Variants in RFX3 observed in about 807,000 individuals in gnomAD.
The protein encoded by RFX3 is regulatory factor X3, also known as transcription factor RFX3.
A neutral mutation model predicts 98.6 loss-of-function variants in RFX3; 14 were observed. The observed-to-expected ratio is 0.14, with a 90% CI of 0.09 to 0.22. The LOEUF (loss-of-function observed/expected upper bound fraction) is 0.22, where lower values mean the gene tolerates loss of function less well. RFX3 is among the 10% of genes least tolerant of loss of function. The pLI is 1.00. For missense variants in RFX3, 639 were observed against 926.9 expected, an observed-to-expected ratio of 0.69 and a Z score of 4.03; for synonymous variants, 383 against 328.4, an observed-to-expected ratio of 1.17 and a Z score of -1.80.
At chr9:3,401,881 G>A (rs563988361) in intron 1 of RFX3, among the ~76,000 whole-genome samples, 2 of 152,168 alleles carry the variant, frequency 1.3e-5, no homozygotes, top group South Asian at 4.1e-4. Flanking sequence ...CTACGAGAAG[G>A]AAAAGATATT....
chr9:3,415,188 TACTC>T (rs1404657485), intron 1 of RFX3, among the ~76,000 whole-genome samples: 7 of 136,800 alleles, frequency 5.1e-5, no homozygotes, highest in Non-Finnish European at 1.1e-4. Context: ...TATATACACA[TACTC>T]ATATATATAT....
chr9:3,417,479 T>C (rs1843081687), intron 1 of RFX3, among the ~76,000 whole-genome samples: 1 of 152,218 alleles, frequency 6.6e-6, no homozygotes, highest in South Asian at 2.1e-4. Context: ...AAGTAATTTG[T>C]ATGATCACAA....
intron 15 of RFX3, among the ~76,000 whole-genome samples, chr9:3,242,521 C>T (rs1388965885): frequency 2.0e-5 from 3 of 152,048 alleles, no homozygotes; most frequent in Admixed American, 6.6e-5. Flanking sequence ...CCTAGTCACA[C>T]TAGCACAATG....
chr9:3,394,489 C>T (rs1028071433), intron 2 of RFX3, among the ~76,000 whole-genome samples: 12 of 152,088 alleles, frequency 7.9e-5, no homozygotes, highest in South Asian at 2.1e-4. Flanking sequence ...AAACACAAGA[C>T]GATTATCTCA....
At chr9:3,481,322 T>C (rs1408670817) in intron 1 of RFX3, among the ~76,000 whole-genome samples, 1 of 152,160 alleles carries the variant, frequency 6.6e-6, no homozygotes, top group African/African-American at 2.4e-5. Context: ...GCTATCTGGC[T>C]TTAATGCAAC....
At chr9:3,472,967 T>C (rs1848910221) in intron 1 of RFX3, among the ~76,000 whole-genome samples, 2 of 152,204 alleles carry the variant, frequency 1.3e-5, no homozygotes, top group South Asian at 2.1e-4. Flanking sequence ...CCCTTTCCTT[T>C]TGTGAGATTA....
chr9:3,350,533 A>G (rs1329774967), intron 2 of RFX3, among the ~76,000 whole-genome samples: 1 of 152,138 alleles, frequency 6.6e-6, no homozygotes, highest in Non-Finnish European at 1.5e-5. Context: ...AACATAATCT[A>G]GTCATATGAT....
intron 7 of RFX3, among the ~76,000 whole-genome samples, chr9:3,282,348 T>A (rs1826017455): frequency 1.3e-5 from 2 of 151,840 alleles, no homozygotes; most frequent in Non-Finnish European, 2.9e-5. Flanking sequence ...AGGTATTCCA[T>A]CTCTTCCATT....
chr9:3,313,622 T>A (rs1486297589), intron 4 of RFX3, among the ~76,000 whole-genome samples: 1 of 151,970 alleles, frequency 6.6e-6, no homozygotes, highest in Non-Finnish European at 1.5e-5. Context: ...CTAAAAACCT[T>A]GAAAAAAGAT....
rs36070658 is a variant in RFX3 at position 3,232,771 on chromosome 9, T to TGAGAGAGAGA, written c.1969-3892_1969-3883dup. Among the ~76,000 whole-genome samples the TGAGAGAGAGA allele has an allele frequency of 7.4e-3, 984 of 132,382 alleles. 12 individuals are homozygous for TGAGAGAGAGA. The highest frequency in any genetic ancestry group is 0.027 in the African/African-American group (929 of 34,356). The allele number at this position is 132,382 out of a possible 152,430, so 86.8% of individuals were successfully genotyped here. A position where few individuals can be genotyped will look rare whatever the true frequency, so the allele number is the denominator to read the frequency against. On this transcript the variant is annotated intron_variant, in intron 15 of 16. Coordinates refer to ENST00000617270, the MANE Select transcript of RFX3 (RefSeq NM_001282116.2). ...CAGATATTCTCCTTGGTTTAGAATC[T>TGAGAGAGAGA]GAGAGAGAGAGAGAGAGAGAGAGAG...
chr9:3,351,841 A>G (rs895830428), intron 2 of RFX3, among the ~76,000 whole-genome samples: 2 of 152,014 alleles, frequency 1.3e-5, no homozygotes, highest in African/African-American at 4.8e-5. Flanking sequence ...ATGCTTACAT[A>G]TAGTTAGTAG....
At chr9:3,291,361 G>C (rs182576259) in intron 6 of RFX3, among the ~76,000 whole-genome samples, 516 of 151,560 alleles carry the variant, frequency 3.4e-3, no homozygotes, top group Non-Finnish European at 6.1e-3. Flanking sequence ...AACAGAGCGA[G>C]AATCCTTCTC....
intron 1 of RFX3, among the ~76,000 whole-genome samples, chr9:3,416,318 G>C (rs894502406): frequency 2.6e-5 from 4 of 152,162 alleles, no homozygotes; most frequent in African/African-American, 9.7e-5. Context: ...ACTTGTCCAA[G>C]ATCACATATC....
chr9:3,308,843 G>C (rs1829634789), intron 4 of RFX3, among the ~76,000 whole-genome samples: 1 of 152,072 alleles, frequency 6.6e-6, no homozygotes, highest in Non-Finnish European at 1.5e-5. Context: ...AAAATATTTG[G>C]AGCACCAGAG....
At chr9:3,424,436 A>C (rs544034824) in intron 1 of RFX3, among the ~76,000 whole-genome samples, 140 of 118,436 alleles carry the variant, frequency 1.2e-3, no homozygotes, top group East Asian at 4.4e-3. Flanking sequence ...ATCTCGACTC[A>C]CTGCAAGCTC....
chr9:3,385,191 G>T (rs1004342438), intron 2 of RFX3, among the ~76,000 whole-genome samples: 1 of 152,140 alleles, frequency 6.6e-6, no homozygotes, highest in African/African-American at 2.4e-5. Flanking sequence ...TTATATGTAA[G>T]TACAGGTGCC....
At chr9:3,243,859 C>T (rs1460919451) in intron 15 of RFX3, among the ~76,000 whole-genome samples, 1 of 152,204 alleles carries the variant, frequency 6.6e-6, no homozygotes, top group Non-Finnish European at 1.5e-5. Flanking sequence ...TGTAGCAGGT[C>T]ATAAGCATGG....
intron 4 of RFX3, among the ~76,000 whole-genome samples, chr9:3,309,839 G>T (rs1459540257): frequency 6.6e-6 from 1 of 152,156 alleles, no homozygotes; most frequent in Non-Finnish European, 1.5e-5. Context: ...ATGGCCCTTT[G>T]TTTTGCAGAG....
At chr9:3,232,229 G>A (rs1818564335) in intron 15 of RFX3, among the ~76,000 whole-genome samples, 2 of 152,200 alleles carry the variant, frequency 1.3e-5, no homozygotes, top group African/African-American at 4.8e-5. Flanking sequence ...AAGGATTAGA[G>A]GGGGCTACTC....
Sources: gnomAD v4.1 joint callset for allele counts (sites outside exome capture counted in the v4.1 genomes callset) on GRCh38, gnomAD v4.1.1 for gene constraint, MANE v1.5 for transcripts, NCBI Gene and HGNC (gene_info 2026-07-23, HGNC 2026-07-21) for gene names.